PTTG1: variants seen among roughly 807,000 people sequenced by gnomAD.
PTTG1 encodes the protein securin.
Under a neutral mutation model 20.0 loss-of-function variants are expected in PTTG1, and 8 were observed. The observed-to-expected ratio is 0.40, with a 90% CI of 0.23 to 0.72. The LOEUF (loss-of-function observed/expected upper bound fraction) is 0.72, where lower values mean the gene tolerates loss of function less well. Ranked by LOEUF, PTTG1 falls within the 30% of genes least tolerant of loss-of-function variation. The probability of loss-of-function intolerance (pLI) is 0.38; values close to 1 mark genes in which losing one functional copy is unlikely to be tolerated. For missense variants in PTTG1, 197 were observed against 236.0 expected (o/e 0.83, Z 1.08); for synonymous variants, 79 against 87.2 (o/e 0.91, Z 0.52).
At position 160,428,389 on chromosome 5, in the gene PTTG1, A is replaced by G. The variant is rs77075842; in HGVS notation, c.530-213A>G. On this transcript the variant is annotated intron_variant, in intron 5 of 5. Coordinates refer to ENST00000352433, the MANE Select transcript of PTTG1 (RefSeq NM_004219.4). ...ACTCTTACTTTGGTCTCTAAGAACA[A>G]TAGAGATTCAGATACTTCTAAAACT... Among the ~76,000 whole-genome samples, 1,117 of 152,360 alleles carry G rather than the reference A, an allele frequency of 7.3e-3. 14 individuals are homozygous for G. The highest frequency in any genetic ancestry group is 0.024 in the African/African-American group (1,016 of 41,584).
At chr5:160,427,605 G>C in intron 4 of PTTG1, 110 bp from the exon 5 acceptor site, 1 of 1,241,412 alleles carries the variant, frequency 8.1e-7, no homozygotes, top group African/African-American at 1.5e-5. Context: ...ATATTGTCTT[G>C]AAAATAGTTT....
chr5:160,428,489 T>G (rs1428983256), intron 5 of PTTG1, 113 bp from the exon 6 acceptor site: 1 of 932,280 alleles, frequency 1.1e-6, no homozygotes, highest in Admixed American at 2.0e-5. Context: ...TGCAGGTGAT[T>G]GATTTGACAA....
At chr5:160,422,089 C>A (rs911524897) in intron 1 of PTTG1, 198 bp downstream of exon 1, 1 of 487,892 alleles carries the variant, frequency 2.0e-6, no homozygotes, top group Non-Finnish European at 3.7e-6. Flanking sequence ...GTGCCAGCCC[C>A]AAACCGCGCG....
Position 160,421,900 on chromosome 5 carries a change from A to C in PTTG1, c.-12+9A>C. On this transcript the variant is annotated intron_variant, in intron 1 of 5. Coordinates refer to ENST00000352433, the MANE Select transcript of PTTG1 (RefSeq NM_004219.4). ...CGGCTGTTAAGACCTGCGTGAGTGA[A>C]TGGGAGGGTCGCGGGTGGTTAGTTG... 5.6e-6 allele frequency: 1 copy of C among 180,170 alleles called. No homozygotes were observed. The highest frequency in any genetic ancestry group is 1.2e-5 in the Non-Finnish European group (1 of 83,626). 11.2% of individuals were successfully genotyped at this position (180,170 alleles called of 1,614,324 possible). A position where few individuals can be genotyped will look rare whatever the true frequency, so the allele number is the denominator to read the frequency against.
intron 4 of PTTG1, among the ~76,000 whole-genome samples, chr5:160,425,626 TTTTC>T (rs1765791042): frequency 6.6e-6 from 1 of 152,222 alleles, no homozygotes; most frequent in Admixed American, 6.5e-5. Context: ...CACTTACAGT[TTTTC>T]TTTTTTTATT....
chr5:160,423,178 T>TACA (rs79257708), intron 3 of PTTG1, among the ~76,000 whole-genome samples: 35,732 of 152,072 alleles, frequency 0.23, 4,660 homozygotes, highest in Admixed American at 0.32. Context: ...TACTTACAGA[T>TACA]ACATACTGAG....
intron 1 of PTTG1, 151 bp from the exon 2 acceptor site, chr5:160,422,151 A>C (rs1765723443): frequency 4.9e-6 from 3 of 614,574 alleles, no homozygotes. Context: ...TGAGAGCTGG[A>C]TTAAGTACTT....
intron 3 of PTTG1, among the ~76,000 whole-genome samples, chr5:160,423,662 G>A (rs1370071267): frequency 6.6e-6 from 1 of 152,112 alleles, no homozygotes; most frequent in Non-Finnish European, 1.5e-5. Flanking sequence ...GCATGCATAT[G>A]TGAGGTGAGA....
chr5:160,425,437 G>T (rs1384085758), intron 4 of PTTG1, among the ~76,000 whole-genome samples: 1 of 152,244 alleles, frequency 6.6e-6, no homozygotes, highest in Admixed American at 6.5e-5. Flanking sequence ...ACAGGAAAGA[G>T]ATATTGCTAA....
At chr5:160,421,951 G>A (rs1554083215) in intron 1 of PTTG1, 60 bp downstream of exon 1, 2 of 193,984 alleles carry the variant, frequency 1.0e-5, no homozygotes, top group South Asian at 8.3e-5. Context: ...GGAAGGAGGC[G>A]GGCTGCGGCT....
chr5:160,424,902 G>A lies in PTTG1; in HGVS notation c.370+572G>A, dbSNP rs538876899. The A allele has an allele frequency of 5.3e-5, 8 of 152,330 alleles. No homozygotes were observed. The East Asian group carries it at 1.2e-3, about 22-fold the overall frequency. The allele number at this position is 152,330 out of a possible 1,614,324, so 9.4% of individuals were successfully genotyped here. On this transcript the variant is annotated intron_variant, in intron 4 of 5. Coordinates refer to ENST00000352433, the MANE Select transcript of PTTG1 (RefSeq NM_004219.4). ...GTTTAACAAGATGGGCCCTGCCTATGGGAGCCCATAATTTGAAGGGAAAGT... is the reference window on the plus strand; with the variant it reads ...GTTTAACAAGATGGGCCCTGCCTATAGGAGCCCATAATTTGAAGGGAAAGT...
At chr5:160,427,607 A>G in intron 4 of PTTG1, 108 bp from the exon 5 acceptor site, 3 of 1,253,504 alleles carry the variant, frequency 2.4e-6, no homozygotes, top group Non-Finnish European at 3.3e-6. Context: ...ATTGTCTTGA[A>G]AATAGTTTTG....
intron 3 of PTTG1, 56 bp downstream of exon 3, chr5:160,422,949 A>G: frequency 6.4e-7 from 1 of 1,555,710 alleles, no homozygotes; most frequent in South Asian, 1.1e-5. Context: ...TGACTCTTAA[A>G]ATGACTATTG....
Position 160,422,436 on chromosome 5 carries a change from G to A in PTTG1, c.91+33G>A, listed in dbSNP as rs937319069. The A allele has an allele frequency of 5.1e-6, 8 of 1,575,058 alleles. No individual in the cohort carries two copies. In the African/African-American group the frequency reaches 9.5e-5, roughly 19 times the overall value. Reference sequence around the variant, plus strand: ...TACAAGGCTGCAGTCGGATACACTGGTATTGTGGACGTGGCCTGGAGCTGG... The same window carrying A: ...TACAAGGCTGCAGTCGGATACACTGATATTGTGGACGTGGCCTGGAGCTGG... On this transcript the variant is annotated intron_variant, in intron 2 of 5. Coordinates refer to ENST00000352433, the MANE Select transcript of PTTG1 (RefSeq NM_004219.4).
At chr5:160,422,608 G>A in intron 2 of PTTG1, 101 bp from the exon 3 acceptor site, 1 of 1,359,424 alleles carries the variant, frequency 7.4e-7, no homozygotes, top group Non-Finnish European at 1.0e-6. Flanking sequence ...CAAAAGTGGG[G>A]GGTGGGTTTG....
chr5:160,428,547 T>A (rs1191185379), intron 5 of PTTG1, 55 bp from the exon 6 acceptor site: 8 of 1,470,560 alleles, frequency 5.4e-6, no homozygotes, highest in Non-Finnish European at 7.6e-6. Context: ...TATGTTGATA[T>A]GGACAATGAC....
intron 5 of PTTG1, 119 bp from the exon 6 acceptor site, chr5:160,428,483 G>A: frequency 1.2e-6 from 1 of 863,898 alleles, no homozygotes; most frequent in East Asian, 2.4e-5. Flanking sequence ...AGGGGATGCA[G>A]GTGATTGATT....
intron 2 of PTTG1, 90 bp from the exon 3 acceptor site, chr5:160,422,619 G>A (rs1436952441): frequency 1.4e-6 from 2 of 1,471,586 alleles, no homozygotes; most frequent in South Asian, 1.2e-5. Context: ...GGTGGGTTTG[G>A]GGGTGAGAGG....
chr5:160,426,087 C>T (rs1175466588), intron 4 of PTTG1, among the ~76,000 whole-genome samples: 1 of 152,086 alleles, frequency 6.6e-6, no homozygotes, highest in Non-Finnish European at 1.5e-5. Context: ...TTTAAAGACC[C>T]TTTTACACTC....
Sources: gnomAD v4.1 joint callset for allele counts (sites outside exome capture counted in the v4.1 genomes callset) on GRCh38, gnomAD v4.1.1 for gene constraint, MANE v1.5 for transcripts, NCBI Gene and HGNC (gene_info 2026-07-23, HGNC 2026-07-21) for gene names.